The following PALLD variants were observed in gnomAD, a reference collection of about 807,000 sequenced individuals.
PALLD encodes palladin.
Under a neutral mutation model 123.5 loss-of-function variants are expected in PALLD, and 61 were observed. The observed-to-expected ratio is 0.49, with a 90% CI of 0.40 to 0.61. The LOEUF (loss-of-function observed/expected upper bound fraction) is 0.61, where lower values mean the gene tolerates loss of function less well. PALLD is among the 20% of genes least tolerant of loss of function. The pLI is 0.00. For synonymous variants in PALLD, 465 were observed against 496.4 expected (o/e 0.94, Z 0.84); for missense variants, 1,273 against 1,377.0 (o/e 0.92, Z 1.20).
At chr4:168,846,483 A>G (rs563588551) in intron 10 of PALLD, among the ~76,000 whole-genome samples, 140 of 152,348 alleles carry the variant, frequency 9.2e-4, no homozygotes, top group African/African-American at 3.1e-3. Context: ...CCTTAAATGA[A>G]TTTTAAACAC....
intron 2 of PALLD, among the ~76,000 whole-genome samples, chr4:168,578,162 T>A (rs1296779880): frequency 6.6e-6 from 1 of 152,078 alleles, no homozygotes; most frequent in Non-Finnish European, 1.5e-5. Flanking sequence ...GGTCAGCAAT[T>A]TCCCTGGACA....
At chr4:168,600,419 C>T (rs572474255) in intron 2 of PALLD, among the ~76,000 whole-genome samples, 107 of 152,262 alleles carry the variant, frequency 7.0e-4, no homozygotes, top group Admixed American at 2.6e-3. Context: ...AGCTGCTGCT[C>T]AAATCAATTT....
At chr4:168,805,881 G>A (rs1171330273) in intron 10 of PALLD, among the ~76,000 whole-genome samples, 1 of 152,098 alleles carries the variant, frequency 6.6e-6, no homozygotes, top group African/African-American at 2.4e-5. Context: ...GCACAACTTA[G>A]TAGATATCAA....
At chr4:168,855,342 G>T (rs1353615887) in intron 10 of PALLD, among the ~76,000 whole-genome samples, 2 of 152,152 alleles carry the variant, frequency 1.3e-5, no homozygotes, top group Non-Finnish European at 2.9e-5. Context: ...ACCCGCCTCG[G>T]CCTCCCAGAG....
chr4:168,895,275 G>T (rs1035937323), intron 12 of PALLD, among the ~76,000 whole-genome samples: 1 of 152,154 alleles, frequency 6.6e-6, no homozygotes. Flanking sequence ...CCAGCTACTC[G>T]GGAAGCTGAG....
At chr4:168,643,949 C>T (rs1284851100) in intron 2 of PALLD, among the ~76,000 whole-genome samples, 3 of 152,006 alleles carry the variant, frequency 2.0e-5, no homozygotes, top group Non-Finnish European at 4.4e-5. Flanking sequence ...GGGTACTAAC[C>T]CTGGTGTGCT....
At chr4:168,696,711 A>G (rs575640203) in intron 8 of PALLD, among the ~76,000 whole-genome samples, 1 of 152,266 alleles carries the variant, frequency 6.6e-6, no homozygotes, top group Admixed American at 6.5e-5. Context: ...AGGGGAGGAC[A>G]CTTGTAAAAC....
intron 10 of PALLD, among the ~76,000 whole-genome samples, chr4:168,732,495 C>T (rs905278998): frequency 2.2e-4 from 33 of 152,156 alleles, no homozygotes; most frequent in African/African-American, 7.2e-4. Context: ...CTTGTTTCCT[C>T]TTAGGCAAGA....
At chr4:168,806,848 C>G (rs1740275704) in intron 10 of PALLD, among the ~76,000 whole-genome samples, 2 of 152,060 alleles carry the variant, frequency 1.3e-5, no homozygotes, top group South Asian at 4.1e-4. Context: ...TTTGGGCTGA[C>G]AAGATGTATA....
intron 2 of PALLD, among the ~76,000 whole-genome samples, chr4:168,542,454 T>C (rs1247274629): frequency 2.0e-5 from 3 of 151,614 alleles, no homozygotes; most frequent in African/African-American, 7.3e-5. Context: ...CTGCACCCTA[T>C]TAACAATTAT....
intron 1 of PALLD, among the ~76,000 whole-genome samples, chr4:168,507,042 C>T (rs1561185811): frequency 1.3e-5 from 2 of 152,150 alleles, no homozygotes; most frequent in African/African-American, 2.4e-5. Flanking sequence ...ATCCCCAATC[C>T]AGCTCTGTTC....
At chr4:168,782,890 G>A (rs756422697) in intron 10 of PALLD, among the ~76,000 whole-genome samples, 5 of 152,004 alleles carry the variant, frequency 3.3e-5, no homozygotes, top group Admixed American at 6.6e-5. Context: ...ACTCCAGCCT[G>A]GGCGACAGAG....
chr4:168,905,031 G>A (rs1356105911), intron 15 of PALLD, among the ~76,000 whole-genome samples: 2 of 151,786 alleles, frequency 1.3e-5, no homozygotes, highest in Non-Finnish European at 2.9e-5. Context: ...GGAGGTTGAA[G>A]CATGAGAATC....
intron 10 of PALLD, among the ~76,000 whole-genome samples, chr4:168,794,538 A>ACACC (rs765026221): frequency 2.5e-4 from 36 of 146,402 alleles, no homozygotes; most frequent in Admixed American, 5.4e-4. Flanking sequence ...ACACACACAC[A>ACACC]CCCCTCTGGC....
intron 15 of PALLD, among the ~76,000 whole-genome samples, chr4:168,906,402 T>G (rs957506568): frequency 6.6e-6 from 1 of 152,188 alleles, no homozygotes; most frequent in Non-Finnish European, 1.5e-5. Flanking sequence ...GACTCAGTGC[T>G]CATGGCCAAT....
At chr4:168,774,761 C>T (rs1442540332) in intron 10 of PALLD, among the ~76,000 whole-genome samples, 1 of 146,436 alleles carries the variant, frequency 6.8e-6, no homozygotes, top group Non-Finnish European at 1.5e-5. Context: ...GCAAATACAT[C>T]CATCATCCTC....
In PALLD at chr4:168,499,590, CTTT is replaced by C. The variant is rs532906111; in HGVS notation, c.-83+2401_-83+2403del. Among the ~76,000 whole-genome samples, 3 of 152,136 alleles carry C rather than the reference CTTT, an allele frequency of 2.0e-5. No homozygotes were observed. In the East Asian group the frequency reaches 5.8e-4, roughly 29 times the overall value. On this transcript the variant is annotated intron_variant, in intron 1 of 21. Transcript: ENST00000505667. ...ACCTAAAATTAAAAATCACTTATAA[CTTT>C]TTTTCAAAAATTACAAAATAAGCAA...
At chr4:168,535,764 A>C (rs1289221578) in intron 2 of PALLD, among the ~76,000 whole-genome samples, 1 of 152,198 alleles carries the variant, frequency 6.6e-6, no homozygotes, top group African/African-American at 2.4e-5. Context: ...GTTTAGGCAA[A>C]TAAAGGGAAC....
chr4:168,572,142 G>A (rs1342731311), intron 2 of PALLD, among the ~76,000 whole-genome samples: 1 of 152,144 alleles, frequency 6.6e-6, no homozygotes, highest in Non-Finnish European at 1.5e-5. Context: ...ACTCAGTGCA[G>A]TGGACACAGC....
Sources: allele counts gnomAD v4.1 joint callset (sites outside exome capture counted in the v4.1 genomes callset), GRCh38; gene constraint gnomAD v4.1.1; transcripts MANE v1.5; gene names NCBI Gene and HGNC (gene_info 2026-07-23, HGNC 2026-07-21).